The following GPHN variants were observed in gnomAD, a reference collection of about 807,000 sequenced individuals.
The protein encoded by GPHN is gephyrin.
GPHN carries 17 observed loss-of-function variants against 95.5 expected under a neutral mutation model. The observed-to-expected ratio is 0.18, with a 90% CI of 0.12 to 0.27. The LOEUF (loss-of-function observed/expected upper bound fraction) is 0.27. Among genes scored for constraint, GPHN ranks in the 10% least tolerant of loss-of-function variants. GPHN has a pLI of 1.00. For missense variants in GPHN, 660 were observed against 978.1 expected (o/e 0.67, Z 4.34); for synonymous variants, 320 against 322.5 (o/e 0.99, Z 0.08).
intron 4 of GPHN, among the ~76,000 whole-genome samples, chr14:66,834,370 A>G (rs1002728481): frequency 6.6e-6 from 1 of 152,210 alleles, no homozygotes; most frequent in African/African-American, 2.4e-5. Context: ...CCATTTAGAT[A>G]AATAATTAGA....
rs547843452 is a variant in GPHN, at chr14:66,732,240, C to T, written c.144-44224C>T. 1.7e-4 allele frequency among the ~76,000 whole-genome samples: 26 copies of T among 152,314 alleles called. No homozygotes were observed. The South Asian group carries it at 1.9e-3, about 11-fold the overall frequency. On this transcript the variant is annotated intron_variant, in intron 2 of 22. Transcript: ENST00000478722. ...CCCTCCAGACCCCAGAATGGTAGAA[C>T]ACTGACAACCAGTACCATGAGCCTA...
the GPHN span, among the ~76,000 whole-genome samples, chr14:67,277,341 C>G: frequency 1.3e-5 from 2 of 152,130 alleles, no homozygotes; most frequent in African/African-American, 4.8e-5. Context: ...GCTCTTGTAA[C>G]TGGCATCCAT....
chr14:67,107,749 C>A (rs2078126381), intron 13 of GPHN, among the ~76,000 whole-genome samples: 1 of 152,092 alleles, frequency 6.6e-6, no homozygotes, highest in Admixed American at 6.5e-5. Flanking sequence ...GGTTTGATCC[C>A]CGGGGGGGCC....
At chr14:67,366,945 G>A in the GPHN span, among the ~76,000 whole-genome samples, 1 of 152,030 alleles carries the variant, frequency 6.6e-6, no homozygotes, top group Non-Finnish European at 1.5e-5. Context: ...GGTCTTATTG[G>A]CTTTAGAACT....
At chr14:67,100,156 A>G (rs1173542067) in intron 12 of GPHN, among the ~76,000 whole-genome samples, 1 of 152,206 alleles carries the variant, frequency 6.6e-6, no homozygotes, top group Non-Finnish European at 1.5e-5. Flanking sequence ...TAACTCATAA[A>G]TAGAATTTTG....
chr14:67,149,868 A>G (rs1402394023), intron 18 of GPHN, among the ~76,000 whole-genome samples: 31 of 152,214 alleles, frequency 2.0e-4, no homozygotes, highest in Non-Finnish European at 4.4e-4. Context: ...AACATGACCC[A>G]AAAATACAGC....
intron 1 of GPHN, among the ~76,000 whole-genome samples, chr14:66,674,903 T>C (rs1417880136): frequency 6.6e-6 from 1 of 152,228 alleles, no homozygotes; most frequent in Admixed American, 6.5e-5. Flanking sequence ...ATACTGTTTT[T>C]CATAATGGCC....
chr14:67,298,447 G>A, the GPHN span, among the ~76,000 whole-genome samples: 9 of 150,880 alleles, frequency 6.0e-5, no homozygotes, highest in Admixed American at 2.6e-4. Flanking sequence ...CCCGGGAGGC[G>A]AAGGTTGCAG....
intron 1 of GPHN, among the ~76,000 whole-genome samples, chr14:66,628,534 C>G (rs1292662690): frequency 6.6e-6 from 1 of 152,042 alleles, no homozygotes; most frequent in Non-Finnish European, 1.5e-5. Flanking sequence ...GCTTGCAGGA[C>G]TGGAGGTTGC....
chr14:67,180,380 G>A (rs1042184636), intron 22 of GPHN, among the ~76,000 whole-genome samples: 2 of 152,166 alleles, frequency 1.3e-5, no homozygotes, highest in East Asian at 3.8e-4. Context: ...AATTTTTTGA[G>A]TCTTGTGAGA....
chr14:66,712,811 G>T (rs945182094), intron 2 of GPHN, among the ~76,000 whole-genome samples: 18 of 152,040 alleles, frequency 1.2e-4, no homozygotes, highest in African/African-American at 4.3e-4. Context: ...ACATCTAATG[G>T]TTTTTGGTTT....
intron 17 of GPHN, among the ~76,000 whole-genome samples, chr14:67,131,583 A>G (rs17104020): frequency 0.066 from 10,116 of 152,202 alleles, 356 homozygotes; most frequent in Middle Eastern, 0.085. Flanking sequence ...CCTGAGACAC[A>G]TCCCCAAAAA....
Position 67,180,888 on chromosome 14 carries a change from A to C in GPHN, c.2261A>C (p.Glu754Ala). 6.2e-7 allele frequency: 1 copy of C among 1,614,030 alleles called. No individual in the cohort carries two copies. Among genetic ancestry groups the C allele is most frequent in the Admixed American group, 1.7e-5 (1 of 59,982 alleles). Reference sequence around the variant, plus strand: ...CCTCCAAAGACAGAACAGTACGTGGAGCTCCACAAAGGCGAGGTGGTGGAT... The same window carrying C: ...CCTCCAAAGACAGAACAGTACGTGGCGCTCCACAAAGGCGAGGTGGTGGAT... ...MLPPKTEQYV[E>A]LHKGEVVDVM... Residue 754 changes from glutamate (E) to alanine (A), a missense_variant, in exon 23 of 23, where the codon GAG becomes GCG. Physicochemically the swap from Glu to Ala is moderately radical, Grantham distance 107. Coordinates refer to ENST00000478722, the MANE Select transcript of GPHN (RefSeq NM_020806.5).
intron 1 of GPHN, among the ~76,000 whole-genome samples, chr14:66,596,860 G>C (rs1055771856): frequency 3.9e-5 from 6 of 152,210 alleles, no homozygotes; most frequent in Non-Finnish European, 8.8e-5. Context: ...CTTGGTTCCT[G>C]CTGGCTCCGT....
chr14:66,731,409 C>T (rs2071757419), intron 2 of GPHN, among the ~76,000 whole-genome samples: 1 of 152,240 alleles, frequency 6.6e-6, no homozygotes, highest in South Asian at 2.1e-4. Flanking sequence ...AATGAGGTGG[C>T]CAATGAAGTC....
At chr14:66,777,816 A>T (rs1209900442) in intron 3 of GPHN, among the ~76,000 whole-genome samples, 5 of 152,198 alleles carry the variant, frequency 3.3e-5, no homozygotes, top group African/African-American at 1.2e-4. Context: ...TATTGATGGG[A>T]CGTATCTCAA....
the GPHN span, among the ~76,000 whole-genome samples, chr14:67,693,651 C>T: frequency 2.5e-4 from 36 of 142,318 alleles, no homozygotes; most frequent in African/African-American, 9.0e-4. Flanking sequence ...TTCTCTTTCT[C>T]TTTTTTTTTT....
the GPHN span, chr14:67,735,057 A>G: frequency 1.5e-6 from 1 of 685,948 alleles, no homozygotes; most frequent in South Asian, 1.6e-5. Context: ...TGCACTTACA[A>G]CCAACAGCAA....
At chr14:67,457,988 C>T in the GPHN span, among the ~76,000 whole-genome samples, 1 of 152,222 alleles carries the variant, frequency 6.6e-6, no homozygotes, top group African/African-American at 2.4e-5. Flanking sequence ...CAGAGTGCTG[C>T]TGTTGGCTAA....
Sources: allele counts gnomAD v4.1 joint callset (sites outside exome capture counted in the v4.1 genomes callset), GRCh38; gene constraint gnomAD v4.1.1; transcripts MANE v1.5; gene names NCBI Gene and HGNC (gene_info 2026-07-23, HGNC 2026-07-21).